Variants in IL1RAPL1 observed in about 807,000 individuals in gnomAD.
IL1RAPL1 encodes the protein interleukin 1 receptor accessory protein like 1, also known as interleukin-1 receptor accessory protein-like 1.
IL1RAPL1 carries 3 observed loss-of-function variants against 48.4 expected under a neutral mutation model. That is an observed-to-expected ratio of 0.06 (90% CI 0.03 to 0.16). The LOEUF (loss-of-function observed/expected upper bound fraction) is 0.16, where lower values mean the gene tolerates loss of function less well. IL1RAPL1 is among the 10% of genes least tolerant of loss of function. The pLI, the probability that IL1RAPL1 is intolerant of heterozygous loss-of-function variation, is 1.00. For synonymous variants in IL1RAPL1, 185 were observed against 187.7 expected (o/e 0.99, Z 0.12); for missense variants, 349 against 530.6 (o/e 0.66, Z 3.36).
At chrX:29,744,901 C>T (rs1569158684) in intron 6 of IL1RAPL1, among the ~76,000 whole-genome samples, 1 of 111,620 alleles carries the variant, frequency 9.0e-6, no homozygotes, top group Admixed American at 9.5e-5. Context: ...GAAATTATTG[C>T]CCAGAAATCA....
chrX:29,839,106 C>T (rs1040570838), intron 6 of IL1RAPL1, among the ~76,000 whole-genome samples: 4 of 112,288 alleles, frequency 3.6e-5, no homozygotes, highest in Non-Finnish European at 5.6e-5. Flanking sequence ...CTGAAGGGTA[C>T]TGTCAAGAAA....
chrX:28,741,095 GT>G lies in IL1RAPL1; in HGVS notation c.-24-48218del, dbSNP rs898379254. On this transcript the variant is annotated intron_variant, in intron 1 of 10. Coordinates refer to ENST00000378993, the MANE Select transcript of IL1RAPL1 (RefSeq NM_014271.4). ...TTGCTGGGCTGAATGATAGCTCTGA[GT>G]TTTTTTGAGAAATCACCAAACTGCT... Among the ~76,000 whole-genome samples the G allele has an allele frequency of 2.7e-5, 3 of 111,694 alleles. No individual in the cohort carries two copies. The Admixed American group carries it at 2.9e-4, about 11-fold the overall frequency.
intron 3 of IL1RAPL1, among the ~76,000 whole-genome samples, chrX:29,381,829 A>ATAT (rs1464953560): frequency 1.3e-4 from 4 of 31,726 alleles, no homozygotes; most frequent in African/African-American, 3.2e-4. Flanking sequence ...AAAAAAAAAA[A>ATAT]AAAAATATAT....
At chrX:29,293,820 T>TA (rs1468898460) in intron 3 of IL1RAPL1, among the ~76,000 whole-genome samples, 1 of 111,480 alleles carries the variant, frequency 9.0e-6, no homozygotes, top group East Asian at 2.8e-4. Context: ...TCTTTATTTG[T>TA]AAAAAACTAT....
intron 2 of IL1RAPL1, among the ~76,000 whole-genome samples, chrX:28,958,194 G>C (rs1230195369): frequency 1.8e-5 from 2 of 110,442 alleles, no homozygotes; most frequent in Non-Finnish European, 3.8e-5. Context: ...TAGTCATGAT[G>C]TTGCACAATA....
intron 1 of IL1RAPL1, among the ~76,000 whole-genome samples, chrX:28,742,696 A>G (rs769972509): frequency 8.9e-6 from 1 of 111,961 alleles, no homozygotes. Context: ...TAATCATATA[A>G]GTATTCAACA....
At chrX:28,801,092 G>T (rs1274243000) in intron 2 of IL1RAPL1, among the ~76,000 whole-genome samples, 2 of 109,702 alleles carry the variant, frequency 1.8e-5, no homozygotes, top group Non-Finnish European at 3.8e-5. Flanking sequence ...ATGTTGGCCA[G>T]GGTGGTCTCG....
intron 1 of IL1RAPL1, among the ~76,000 whole-genome samples, chrX:28,737,982 G>T (rs935729919): frequency 9.1e-6 from 1 of 110,065 alleles, no homozygotes; most frequent in Non-Finnish European, 1.9e-5. Context: ...AGGAAGGAAG[G>T]AAAGAGTCAG....
intron 2 of IL1RAPL1, among the ~76,000 whole-genome samples, chrX:28,992,373 C>T (rs146623604): frequency 1.1e-3 from 122 of 108,236 alleles, no homozygotes; most frequent in African/African-American, 3.8e-3. Context: ...GCCTGTAATC[C>T]CAGCTACTTG....
At chrX:29,880,094 C>T (rs755766766) in intron 6 of IL1RAPL1, among the ~76,000 whole-genome samples, 1 of 111,015 alleles carries the variant, frequency 9.0e-6, no homozygotes, top group Non-Finnish European at 1.9e-5. Flanking sequence ...TTCAAAACTC[C>T]ATCCACTCAC....
chrX:29,000,718 T>C (rs983956983), intron 2 of IL1RAPL1, among the ~76,000 whole-genome samples: 1 of 112,226 alleles, frequency 8.9e-6, no homozygotes, highest in African/African-American at 3.2e-5. Context: ...TCCTTATTTT[T>C]TTCTTTTGAA....
intron 6 of IL1RAPL1, among the ~76,000 whole-genome samples, chrX:29,913,472 A>G (rs996935740): frequency 9.1e-6 from 1 of 110,367 alleles, no homozygotes; most frequent in Non-Finnish European, 1.9e-5. Context: ...AGAGAAAAAT[A>G]TATATATTTT....
chrX:28,883,069 T>C (rs1483492426), intron 2 of IL1RAPL1, among the ~76,000 whole-genome samples: 1 of 111,358 alleles, frequency 9.0e-6, no homozygotes, highest in African/African-American at 3.3e-5. Context: ...AATAGACTCC[T>C]ATAACTTTAT....
At chrX:29,749,103 G>A (rs775029307) in intron 6 of IL1RAPL1, among the ~76,000 whole-genome samples, 6 of 112,050 alleles carry the variant, frequency 5.4e-5, no homozygotes, top group Non-Finnish European at 1.9e-5. Context: ...GGGCATGCAG[G>A]AAGCAGCATG....
At chrX:29,501,472 G>T (rs747338638) in intron 5 of IL1RAPL1, among the ~76,000 whole-genome samples, 3 of 111,059 alleles carry the variant, frequency 2.7e-5, no homozygotes, top group East Asian at 5.7e-4. Flanking sequence ...AATCCATTTT[G>T]ATTTGATGTT....
chrX:29,642,425 C>T (rs868234045), intron 5 of IL1RAPL1, among the ~76,000 whole-genome samples: 9 of 112,528 alleles, frequency 8.0e-5, no homozygotes, highest in Admixed American at 1.9e-4. Context: ...CAGCAAAAGC[C>T]TTGCCTGTGG....
intron 1 of IL1RAPL1, among the ~76,000 whole-genome samples, chrX:28,743,814 AG>A (rs2146954103): frequency 9.0e-6 from 1 of 111,166 alleles, no homozygotes; most frequent in Non-Finnish European, 1.9e-5. Context: ...GATTATATCA[AG>A]CTAATTAATC....
At chrX:28,963,541 T>C (rs994485358) in intron 2 of IL1RAPL1, among the ~76,000 whole-genome samples, 3 of 111,399 alleles carry the variant, frequency 2.7e-5, no homozygotes, top group African/African-American at 9.8e-5. Flanking sequence ...ACTTCTGATA[T>C]ATTCTTTTAT....
At chrX:28,593,772 T>C (rs1292018545) in intron 1 of IL1RAPL1, among the ~76,000 whole-genome samples, 2 of 111,320 alleles carry the variant, frequency 1.8e-5, no homozygotes, top group Non-Finnish European at 3.8e-5. Flanking sequence ...TTCATAGTAG[T>C]TTATCTTCTT....
Sources: gnomAD v4.1 joint callset for allele counts (sites outside exome capture counted in the v4.1 genomes callset) on GRCh38, gnomAD v4.1.1 for gene constraint, MANE v1.5 for transcripts, NCBI Gene and HGNC (gene_info 2026-07-23, HGNC 2026-07-21) for gene names.